NFATC3: variants seen among roughly 807,000 people sequenced by gnomAD.
The protein encoded by NFATC3 is nuclear factor of activated T cells 3, also known as nuclear factor of activated T-cells, cytoplasmic 3.
Under a neutral mutation model 98.6 loss-of-function variants are expected in NFATC3, and 46 were observed. The observed-to-expected ratio is 0.47, with a 90% CI of 0.37 to 0.60. The LOEUF is 0.60. Among genes scored for constraint, NFATC3 ranks in the 20% least tolerant of loss-of-function variants. The pLI, the probability that NFATC3 is intolerant of heterozygous loss-of-function variation, is 0.00. For synonymous variants in NFATC3, 512 were observed against 472.2 expected, an observed-to-expected ratio of 1.08 and a Z score of -1.09; for missense variants, 1,256 against 1,295.5, an observed-to-expected ratio of 0.97 and a Z score of 0.47.
intron 9 of NFATC3, among the ~76,000 whole-genome samples, chr16:68,193,667 G>T (rs2040538781): frequency 6.6e-6 from 1 of 151,958 alleles, no homozygotes; most frequent in South Asian, 2.1e-4. Flanking sequence ...GTGAGACCCT[G>T]TCTCTAAAAA....
chr16:68,224,836 G>A (rs2041989485), intron 9 of NFATC3: 1 of 152,242 alleles, frequency 6.6e-6, no homozygotes, highest in African/African-American at 2.4e-5. Context: ...TATAACAGCT[G>A]TAATGAGATA....
intron 1 of NFATC3, among the ~76,000 whole-genome samples, chr16:68,086,467 C>G (rs561448029): frequency 1.3e-5 from 2 of 152,028 alleles, no homozygotes; most frequent in East Asian, 3.9e-4. Flanking sequence ...AAAAATCTCT[C>G]CTTGGAAGAT....
chr16:68,103,851 A>G lies in NFATC3; in HGVS notation c.103+18067A>G, dbSNP rs539248413. On this transcript the variant is annotated intron_variant, in intron 1 of 9. Coordinates refer to ENST00000346183, the MANE Select transcript of NFATC3 (RefSeq NM_173165.3). ...CACCCTTGTAAAAAATCAATTGGCC[A>G]TAGATATTCGGGTTTATTTCTGAAC... Among the ~76,000 whole-genome samples the G allele has an allele frequency of 2.0e-5, 3 of 152,326 alleles. 1 individual carries two copies. The highest frequency in any genetic ancestry group is 4.1e-4 in the South Asian group (2 of 4,826).
chr16:68,188,159 A>G (rs1469667823), intron 8 of NFATC3, among the ~76,000 whole-genome samples: 1 of 152,136 alleles, frequency 6.6e-6, no homozygotes, highest in Non-Finnish European at 1.5e-5. Flanking sequence ...TCGCTCCAAG[A>G]TTGAAATGGG....
At chr16:68,182,558 T>C (rs1567537447) in intron 7 of NFATC3, among the ~76,000 whole-genome samples, 1 of 152,216 alleles carries the variant, frequency 6.6e-6, no homozygotes, top group Non-Finnish European at 1.5e-5. Context: ...TCTAGCTCTG[T>C]CGTGCAGGCT....
chr16:68,131,657 T>G (rs549299898), intron 3 of NFATC3, among the ~76,000 whole-genome samples: 2 of 152,002 alleles, frequency 1.3e-5, no homozygotes, highest in African/African-American at 4.8e-5. Flanking sequence ...GTACTTTTTT[T>G]TTTTTTTTTA....
At chr16:68,170,004 C>G (rs1000111768) in intron 5 of NFATC3, among the ~76,000 whole-genome samples, 5 of 152,042 alleles carry the variant, frequency 3.3e-5, no homozygotes, top group Admixed American at 6.6e-5. Context: ...TCTAGGAGCA[C>G]CACTGCACTC....
intron 3 of NFATC3, among the ~76,000 whole-genome samples, chr16:68,154,462 A>G (rs892265196): frequency 6.6e-6 from 1 of 152,166 alleles, no homozygotes; most frequent in African/African-American, 2.4e-5. Flanking sequence ...ACTTGTTTCC[A>G]TGATTTCATC....
At chr16:68,162,440 G>A (rs965250160) in intron 4 of NFATC3, among the ~76,000 whole-genome samples, 1 of 152,082 alleles carries the variant, frequency 6.6e-6, no homozygotes, top group Admixed American at 6.5e-5. Context: ...ATAAGACCAT[G>A]GTTCAAAATA....
At position 68,195,296 on chromosome 16, in the gene NFATC3, C is replaced by T; in HGVS notation, c.3106+3521C>T. 1.3e-5 allele frequency among the ~76,000 whole-genome samples: 2 copies of T among 152,042 alleles called. 1 individual carries two copies. The highest frequency in any genetic ancestry group is 2.9e-5 in the Non-Finnish European group (2 of 67,994). On this transcript the variant is annotated intron_variant, in intron 9 of 9. Coordinates refer to ENST00000346183, the MANE Select transcript of NFATC3 (RefSeq NM_173165.3). ...AAGAATGTTCCTAGATTGTAGCCCCCCAGAGACTAGCTATCACATTTGCTC... is the reference window on the plus strand; with the variant it reads ...AAGAATGTTCCTAGATTGTAGCCCCTCAGAGACTAGCTATCACATTTGCTC...
At chr16:68,171,947 C>T (rs561114460) in intron 5 of NFATC3, among the ~76,000 whole-genome samples, 6 of 152,194 alleles carry the variant, frequency 3.9e-5, no homozygotes, top group Admixed American at 3.9e-4. Flanking sequence ...CACCACCACA[C>T]CTGGCTAATT....
chr16:68,116,317 G>C (rs960575770), intron 1 of NFATC3, among the ~76,000 whole-genome samples: 1 of 151,968 alleles, frequency 6.6e-6, no homozygotes, highest in Non-Finnish European at 1.5e-5. Flanking sequence ...ACCACTTGTT[G>C]GTGGGCCAGA....
Position 68,122,786 on chromosome 16 carries a change from C to A in NFATC3, c.903C>A (p.Pro301=). The A allele has an allele frequency of 6.2e-7, 1 of 1,614,246 alleles. No individual in the cohort carries two copies. Among genetic ancestry groups the A allele is most frequent in the South Asian group, 1.1e-5 (1 of 91,090 alleles). The change falls in exon 2 of 10, where the codon CCC becomes CCA. Residue 301 remains proline, a synonymous_variant. Transcript: ENST00000346183. Reference sequence around the variant, plus strand: ...CTGTTCCTTCACCTGGTCACTCCCCCAGGGGAAGTGTGACAGAAGATACGT... The same window carrying A: ...CTGTTCCTTCACCTGGTCACTCCCCAAGGGGAAGTGTGACAGAAGATACGT... The part of the protein sequence containing the change: ...HSPVPSPGHS[P]RGSVTEDTWL...
chr16:68,217,797 A>G, intron 9 of NFATC3: 1 of 1,231,668 alleles, frequency 8.1e-7, no homozygotes, highest in Non-Finnish European at 1.0e-6. Flanking sequence ...AAGGAGGCCA[A>G]GCAAGTGATG....
At chr16:68,170,494 CTTT>C (rs1364251442) in intron 5 of NFATC3, among the ~76,000 whole-genome samples, 5 of 131,036 alleles carry the variant, frequency 3.8e-5, no homozygotes, top group Non-Finnish European at 8.2e-5. Flanking sequence ...TCTGGCTGTT[CTTT>C]TTTTTTTTTT....
chr16:68,144,743 C>G (rs4517790), intron 3 of NFATC3, among the ~76,000 whole-genome samples: 17,797 of 151,980 alleles, frequency 0.12, 1,208 homozygotes, highest in South Asian at 0.2. Flanking sequence ...CTGCCACCTC[C>G]GCCTCCCAGG....
intron 1 of NFATC3, among the ~76,000 whole-genome samples, chr16:68,116,412 A>C (rs543687394): frequency 1.3e-5 from 2 of 152,150 alleles, no homozygotes; most frequent in Non-Finnish European, 2.9e-5. Context: ...TGTCCAGATT[A>C]CTGTATGCTT....
Position 68,191,160 on chromosome 16 carries a change from T to G in NFATC3, c.2491T>G (p.Leu831Val), listed in dbSNP as rs995185142. The G allele has an allele frequency of 6.2e-7, 1 of 1,614,120 alleles. No individual in the cohort carries two copies. The highest frequency in any genetic ancestry group is 8.5e-7 in the Non-Finnish European group (1 of 1,180,058). Reference sequence around the variant, plus strand: ...CTCTAGTCAAGAATTTGATTCAGTTTTGTTTCAGCAGGATGCAACTCTTTC... The same window carrying G: ...CTCTAGTCAAGAATTTGATTCAGTTGTGTTTCAGCAGGATGCAACTCTTTC... Reference protein sequence around the residue: ...AASSQEFDSVLFQQDATLSGL... With the variant: ...AASSQEFDSVVFQQDATLSGL... The change falls in exon 9 of 10, where the codon TTG becomes GTG. Residue 831 changes from leucine (L) to valine (V), a missense_variant. Leu to Val is a conservative substitution (Grantham distance 32). This residue lies in a region of NFATC3 where 636 missense variants were observed against 617.3 expected (regional missense o/e 1.03). Transcript: ENST00000346183.
At chr16:68,177,843 C>T (rs73612221) in intron 6 of NFATC3, among the ~76,000 whole-genome samples, 1,998 of 152,152 alleles carry the variant, frequency 0.013, 43 homozygotes, top group African/African-American at 0.045. Context: ...CATCCACCCT[C>T]TCAAAAAAGT....
Sources: gnomAD v4.1 joint callset for allele counts (sites outside exome capture counted in the v4.1 genomes callset) on GRCh38, gnomAD v4.1.1 for gene constraint, gnomAD v4.1.1 regional missense constraint, MANE v1.5 for transcripts, NCBI Gene and HGNC (gene_info 2026-07-23, HGNC 2026-07-21) for gene names.